The following OPCML variants were observed in gnomAD, a reference collection of about 807,000 sequenced individuals.
The protein encoded by OPCML is opioid-binding protein/cell adhesion molecule.
In OPCML, 13 loss-of-function variants were observed where a neutral mutation model predicts 37.8. The ratio of observed to expected loss-of-function variants is 0.34; its 90% CI spans 0.22 to 0.55. The LOEUF (loss-of-function observed/expected upper bound fraction) is 0.55, where lower values mean the gene tolerates loss of function less well. OPCML is among the 20% of genes least tolerant of loss of function. OPCML has a pLI of 0.91. For synonymous variants in OPCML, 176 were observed against 168.8 expected (o/e 1.04, Z -0.33); for missense variants, 341 against 435.6 (o/e 0.78, Z 1.93).
intron 2 of OPCML, among the ~76,000 whole-genome samples, chr11:132,788,454 A>G (rs1937658985): frequency 6.6e-6 from 1 of 151,992 alleles, no homozygotes; most frequent in African/African-American, 2.4e-5. Context: ...GGATAACACA[A>G]TCTCTCTCCT....
chr11:133,108,518 A>G (rs770826751), intron 1 of OPCML, among the ~76,000 whole-genome samples: 1 of 152,124 alleles, frequency 6.6e-6, no homozygotes, highest in Non-Finnish European at 1.5e-5. Flanking sequence ...GTCGTGCGCT[A>G]GAGCTTTCCA....
rs147959016 is a variant in OPCML at position 132,965,867 on chromosome 11, T to C, written c.62-22857A>G. Among the ~76,000 whole-genome samples the C allele has an allele frequency of 4.6e-3, 700 of 152,308 alleles. 3 individuals carry two copies. The highest frequency in any genetic ancestry group is 0.016 in the African/African-American group (673 of 41,562). ...GTTGATAGTGTTTTATTATTATTCTTATTTCTGTAAGGTCATTAATAATGT... is the reference window on the plus strand; with the variant it reads ...GTTGATAGTGTTTTATTATTATTCTCATTTCTGTAAGGTCATTAATAATGT... On this transcript the variant is annotated intron_variant, in intron 1 of 7. Coordinates refer to ENST00000524381, the MANE Select transcript of OPCML (RefSeq NM_001012393.5).
Position 132,595,827 on chromosome 11 carries a change from T to C in OPCML, c.379+61260A>G, listed in dbSNP as rs73588972. The stretch of plus-strand genomic sequence containing the variant: ...TTTCTTGGGCTATGTCAAATCTGTG[T>C]TTATGTTGCTTATCTCTGGAAGTGA... On this transcript the variant is annotated intron_variant, in intron 3 of 7. Transcript: ENST00000524381. 8.0e-3 allele frequency among the ~76,000 whole-genome samples: 1,219 copies of C among 152,314 alleles called. 26 individuals are homozygous for C. Among genetic ancestry groups the C allele is most frequent in the African/African-American group, 0.028 (1,170 of 41,562 alleles).
chr11:133,292,780 CAG>C (rs1356639186), intron 1 of OPCML, among the ~76,000 whole-genome samples: 1 of 152,132 alleles, frequency 6.6e-6, no homozygotes, highest in Non-Finnish European at 1.5e-5. Flanking sequence ...GAATGAGCTG[CAG>C]AGAGTTATAT....
At chr11:133,216,901 T>C (rs1236835810) in intron 1 of OPCML, among the ~76,000 whole-genome samples, 1 of 152,162 alleles carries the variant, frequency 6.6e-6, no homozygotes, top group Non-Finnish European at 1.5e-5. Flanking sequence ...TATATACAAA[T>C]ATATGTAATG....
intron 1 of OPCML, among the ~76,000 whole-genome samples, chr11:133,274,649 C>T (rs1006224005): frequency 1.2e-4 from 19 of 152,288 alleles, no homozygotes; most frequent in Non-Finnish European, 2.2e-4. Context: ...CACAGCCCCT[C>T]GGTGCTGGGC....
At chr11:133,312,285 A>T (rs1943082732) in intron 1 of OPCML, among the ~76,000 whole-genome samples, 1 of 152,192 alleles carries the variant, frequency 6.6e-6, no homozygotes, top group Non-Finnish European at 1.5e-5. Flanking sequence ...CTTCCCCCCA[A>T]AAGAAAGAAT....
At chr11:133,443,667 T>C (rs1435707943) in intron 1 of OPCML, among the ~76,000 whole-genome samples, 1 of 152,224 alleles carries the variant, frequency 6.6e-6, no homozygotes, top group Non-Finnish European at 1.5e-5. Flanking sequence ...CGGGATCATT[T>C]AGCTCTGAAG....
Position 133,271,039 on chromosome 11 carries a change from A to G in OPCML, c.61+261225T>C, listed in dbSNP as rs142923859. On this transcript the variant is annotated intron_variant, in intron 1 of 7. Transcript: ENST00000524381. ...ACATTTATGCTGAGGCTGATGAGGA[A>G]GGTTACGCTGATCTAACACAGTAAG... is the stretch of plus-strand genomic sequence containing the variant. Among the ~76,000 whole-genome samples, 6 of 152,304 alleles carry G rather than the reference A, an allele frequency of 3.9e-5. No homozygotes were observed. In the East Asian group the frequency reaches 1.2e-3, roughly 29 times the overall value.
Position 132,991,360 on chromosome 11 carries a change from C to T in OPCML, c.62-48350G>A, listed in dbSNP as rs186562200. Among the ~76,000 whole-genome samples, 260 of 152,290 alleles carry T rather than the reference C, an allele frequency of 1.7e-3. 1 individual carries two copies. The highest frequency in any genetic ancestry group is 0.017 in the Middle Eastern group (5 of 294). On this transcript the variant is annotated intron_variant, in intron 1 of 7. Transcript: ENST00000524381. ...TTTCATAAATGCAATATACAAGCCC[C>T]TAATAGAACAAAATCTACTAATTAA... is the stretch of plus-strand genomic sequence containing the variant.
intron 2 of OPCML, among the ~76,000 whole-genome samples, chr11:132,898,371 T>C (rs1341751105): frequency 6.6e-6 from 1 of 152,298 alleles, no homozygotes; most frequent in South Asian, 2.1e-4. Context: ...CAAAATGCCT[T>C]ATCCACGCTC....
At chr11:133,027,804 G>GTATTAT (rs1565405440) in intron 1 of OPCML, among the ~76,000 whole-genome samples, 11 of 150,130 alleles carry the variant, frequency 7.3e-5, no homozygotes, top group South Asian at 2.2e-4. Flanking sequence ...GTGTGTGTGT[G>GTATTAT]GTGTCTGTGG....
intron 1 of OPCML, among the ~76,000 whole-genome samples, chr11:133,324,353 T>A (rs1005387446): frequency 5.9e-5 from 9 of 152,102 alleles, no homozygotes; most frequent in South Asian, 4.2e-4. Flanking sequence ...GAAAAAAAAA[T>A]TTTCGGGATG....
At chr11:132,585,996 A>G (rs1019234887) in intron 3 of OPCML, among the ~76,000 whole-genome samples, 9 of 152,146 alleles carry the variant, frequency 5.9e-5, no homozygotes, top group African/African-American at 2.2e-4. Context: ...CCAAAGCATC[A>G]TTACACCTGC....
chr11:133,120,291 A>C (rs1405632479), intron 1 of OPCML, among the ~76,000 whole-genome samples: 1 of 152,204 alleles, frequency 6.6e-6, no homozygotes, highest in African/African-American at 2.4e-5. Context: ...AATGTGTATA[A>C]ATATCATTTC....
intron 3 of OPCML, among the ~76,000 whole-genome samples, chr11:132,567,007 T>C (rs1302871066): frequency 1.3e-5 from 2 of 149,404 alleles, no homozygotes; most frequent in African/African-American, 2.5e-5. Flanking sequence ...ACTACTGGAA[T>C]AAGTTAATGC....
chr11:132,521,455 C>G (rs2137248568), intron 4 of OPCML, among the ~76,000 whole-genome samples: 1 of 152,196 alleles, frequency 6.6e-6, no homozygotes, highest in South Asian at 2.1e-4. Context: ...GAATACTATG[C>G]AGCCATAAAA....
chr11:133,158,154 G>A (rs1180890518), intron 1 of OPCML, among the ~76,000 whole-genome samples: 1 of 152,196 alleles, frequency 6.6e-6, no homozygotes, highest in Non-Finnish European at 1.5e-5. Context: ...TTTACCGACA[G>A]GGGCTGGATT....
intron 4 of OPCML, among the ~76,000 whole-genome samples, chr11:132,448,261 A>T (rs2096060460): frequency 6.6e-6 from 1 of 152,132 alleles, no homozygotes; most frequent in African/African-American, 2.4e-5. Flanking sequence ...TCCCTATATT[A>T]GTTCCTGGCA....
Sources: gnomAD v4.1 joint callset for allele counts (sites outside exome capture counted in the v4.1 genomes callset) on GRCh38, gnomAD v4.1.1 for gene constraint, MANE v1.5 for transcripts, NCBI Gene and HGNC (gene_info 2026-07-23, HGNC 2026-07-21) for gene names.